Variants in ASB5 observed in about 807,000 individuals in gnomAD.
ASB5 encodes ankyrin repeat and SOCS box containing 5.
A neutral mutation model predicts 42.1 loss-of-function variants in ASB5; 45 were observed. The ratio of observed to expected loss-of-function variants is 1.07; its 90% confidence interval spans 0.84 to 1.37. The LOEUF (loss-of-function observed/expected upper bound fraction) is 1.37. ASB5 is among the 40% of genes most tolerant of loss of function. ASB5 has a pLI of 0.00. For synonymous variants in ASB5, 147 were observed against 150.6 expected, an observed-to-expected ratio of 0.98 and a Z score of 0.18; for missense variants, 402 against 399.8, an observed-to-expected ratio of 1.01 and a Z score of -0.05.
chr4:176,216,173 T>G, intron 6 of ASB5, among the ~76,000 whole-genome samples: 1 of 152,254 alleles, frequency 6.6e-6, no homozygotes, highest in Middle Eastern at 3.4e-3. Flanking sequence ...TATTTACTAA[T>G]TTTATTTCTA....
intron 1 of ASB5, among the ~76,000 whole-genome samples, chr4:176,248,924 T>G (rs1753964071): frequency 6.6e-6 from 1 of 152,178 alleles, no homozygotes. Flanking sequence ...TGGGGTTCTA[T>G]TTCGTGACTT....
upstream of ASB5, among the ~76,000 whole-genome samples, chr4:176,271,852 A>T (rs191652686): frequency 6.6e-6 from 1 of 152,186 alleles, no homozygotes; most frequent in African/African-American, 2.4e-5. Flanking sequence ...ACTAAAATAC[A>T]TGCTCAAGTT....
intron 1 of ASB5, among the ~76,000 whole-genome samples, chr4:176,250,416 C>G (rs961470613): frequency 6.6e-6 from 1 of 152,148 alleles, no homozygotes; most frequent in Non-Finnish European, 1.5e-5. Flanking sequence ...TCAAAGAGCC[C>G]GAGGAGTTCA....
intron 1 of ASB5, among the ~76,000 whole-genome samples, chr4:176,265,690 T>C (rs1036901607): frequency 2.0e-5 from 3 of 152,158 alleles, no homozygotes; most frequent in Non-Finnish European, 4.4e-5. Flanking sequence ...TTTGGTATGA[T>C]TTCACCAAAT....
chr4:176,214,961 TC>T lies in ASB5; in HGVS notation c.*638del, dbSNP rs1171563437. On this transcript the variant is annotated 3_prime_UTR_variant, in exon 7 of 7. Coordinates refer to ENST00000296525, the MANE Select transcript of ASB5 (RefSeq NM_080874.4). ...GTGAGAGGGCAGTATTGACCTTTCA[TC>T]CTATCACTTTTCTGTAACAAGTCCA... is the stretch of plus-strand genomic sequence containing the variant. The T allele has an allele frequency of 6.6e-6, 1 of 150,554 alleles. No homozygotes were observed. Among genetic ancestry groups the T allele is most frequent in the Non-Finnish European group, 1.5e-5 (1 of 67,892 alleles). The allele number at this position is 150,554 out of a possible 1,614,324, so 9.3% of individuals were successfully genotyped here. A position where few individuals can be genotyped will look rare whatever the true frequency, so the allele number is the denominator to read the frequency against.
intron 1 of ASB5, among the ~76,000 whole-genome samples, chr4:176,230,924 G>A (rs1016845740): frequency 1.1e-4 from 16 of 152,270 alleles, no homozygotes; most frequent in African/African-American, 3.6e-4. Context: ...ATTATTCAGT[G>A]TGAAATTGTT....
chr4:176,237,493 G>C, intron 1 of ASB5: 2 of 985,694 alleles, frequency 2.0e-6, no homozygotes, highest in Non-Finnish European at 2.4e-6. Flanking sequence ...AAATATCAGC[G>C]TCTGGATTTC....
chr4:176,216,920 C>G lies in ASB5; in HGVS notation c.760G>C (p.Glu254Gln). Residue 254 changes from glutamate (E) to glutamine (Q), a missense_variant, in exon 6 of 7, where the codon GAA (glutamate) becomes CAA (glutamine). Physicochemically the swap from Glu to Gln is conservative, Grantham distance 29. Transcript: ENST00000296525. ...SSTEIVNLLL[E>Q]FGADINAKNT... is the part of the protein sequence containing the mutation. Reference sequence around the variant, plus strand: ...TTGGCATTGATATCTGCTCCAAATTCTAGCAGTAAGTTTACAATTTCTGTG... The same window carrying G: ...TTGGCATTGATATCTGCTCCAAATTGTAGCAGTAAGTTTACAATTTCTGTG... 1.9e-6 allele frequency: 3 copies of G among 1,614,014 alleles called. No homozygotes were observed. The highest frequency in any genetic ancestry group is 2.5e-6 in the Non-Finnish European group (3 of 1,179,942).
In ASB5 at chr4:176,221,537, T is replaced by G. The variant is rs753304474; in HGVS notation, c.448A>C (p.Ser150Arg). Residue 150 changes from serine (S) to arginine (R), a missense_variant, in exon 4 of 7, where the codon AGC becomes CGC. Physicochemically the swap from Ser to Arg is moderately radical, Grantham distance 110. Coordinates refer to ENST00000296525, the MANE Select transcript of ASB5 (RefSeq NM_080874.4). ...TACTCCAGAAGCAGCTCTGCACAGC[T>G]TGGACTGCCTTGGGAGCATGCGTTG... Reference protein sequence around the residue: ...LFNACSQGSPSCAELLLEYGA... With the variant: ...LFNACSQGSPRCAELLLEYGA... 1.9e-6 allele frequency: 3 copies of G among 1,614,042 alleles called. No individual in the cohort carries two copies. Among genetic ancestry groups the G allele is most frequent in the Admixed American group, 1.7e-5 (1 of 60,012 alleles).
chr4:176,219,367 ATATTTG>A (rs1329739474), intron 5 of ASB5, among the ~76,000 whole-genome samples: 499 of 84,536 alleles, frequency 5.9e-3, no homozygotes, highest in Admixed American at 0.011. Flanking sequence ...ATAAATATAT[ATATTTG>A]TATGATATAT....
chr4:176,222,498 G>C, intron 2 of ASB5, 78 bp from the exon 3 acceptor site: 1 of 1,276,442 alleles, frequency 7.8e-7, no homozygotes, highest in Middle Eastern at 1.9e-4. Flanking sequence ...TCACTAGAGA[G>C]TGATATATTT....
rs377158705 is a variant in ASB5, at chr4:176,246,754, G to A, written c.197-21413C>T. Among the ~76,000 whole-genome samples the A allele has an allele frequency of 5.3e-5, 8 of 152,300 alleles. No individual in the cohort carries two copies. In the East Asian group the frequency reaches 1.2e-3, roughly 22 times the overall value. ...TCAGAAGACGTGATGGTTAATGACA[G>A]AATGTCGAAGGCTTTCCCTCTCAAT... On this transcript the variant is annotated intron_variant, in intron 1 of 6. Coordinates refer to ENST00000296525, the MANE Select transcript of ASB5 (RefSeq NM_080874.4).
intron 1 of ASB5, among the ~76,000 whole-genome samples, chr4:176,243,117 T>A (rs562956097): frequency 6.6e-6 from 1 of 152,312 alleles, no homozygotes; most frequent in Non-Finnish European, 1.5e-5. Context: ...TACTCTTTAA[T>A]CTTTTACAGG....
intron 2 of ASB5, among the ~76,000 whole-genome samples, chr4:176,222,822 A>G (rs537971344): frequency 9.5e-4 from 144 of 152,214 alleles, no homozygotes; most frequent in African/African-American, 3.2e-3. Flanking sequence ...CTGTCACCCA[A>G]GCTGGAGTGC....
chr4:176,249,533 G>A (rs1753981513), intron 1 of ASB5: 2 of 151,996 alleles, frequency 1.3e-5, no homozygotes, highest in Non-Finnish European at 2.9e-5. Context: ...CTCCCTGATT[G>A]GGAGAGCAGA....
rs150606444 is a variant in ASB5 at position 176,267,512 on chromosome 4, G to A, written c.196+1401C>T. On this transcript the variant is annotated intron_variant, in intron 1 of 6. Transcript: ENST00000296525. Reference sequence around the variant, plus strand: ...GGTTGTGTGTCCTAGCTACTTAGGAGGCTAAGGCAGGATGATCCCTTGAGC... The same window carrying A: ...GGTTGTGTGTCCTAGCTACTTAGGAAGCTAAGGCAGGATGATCCCTTGAGC... 4.9e-3 allele frequency among the ~76,000 whole-genome samples: 745 copies of A among 152,142 alleles called. 2 individuals are homozygous for A. The highest frequency in any genetic ancestry group is 0.016 in the African/African-American group (670 of 41,510).
chr4:176,228,646 C>G (rs540534368), intron 1 of ASB5, among the ~76,000 whole-genome samples: 1 of 152,192 alleles, frequency 6.6e-6, no homozygotes, highest in Non-Finnish European at 1.5e-5. Flanking sequence ...TACTGTGTGA[C>G]AGTTCTATTA....
At chr4:176,237,165 C>A in intron 1 of ASB5, 3 of 573,736 alleles carry the variant, frequency 5.2e-6, no homozygotes, top group Non-Finnish European at 4.4e-6. Context: ...AGTCCTTTGC[C>A]ATGCCATACA....
chr4:176,224,513 G>A (rs1353445690), intron 2 of ASB5, among the ~76,000 whole-genome samples: 1 of 148,014 alleles, frequency 6.8e-6, no homozygotes, highest in African/African-American at 2.5e-5. Flanking sequence ...GGAATTACAG[G>A]CGTGAGCCAC....
Sources: allele counts gnomAD v4.1 joint callset (sites outside exome capture counted in the v4.1 genomes callset), GRCh38; gene constraint gnomAD v4.1.1; transcripts MANE v1.5; gene names NCBI Gene and HGNC (gene_info 2026-07-23, HGNC 2026-07-21).